The following FTCDNL1 variants were observed in gnomAD, a reference collection of about 807,000 sequenced individuals.
The protein encoded by FTCDNL1 is formiminotransferase N-terminal subdomain-containing protein.
A neutral mutation model predicts 5.9 loss-of-function variants in FTCDNL1; 11 were observed. The ratio of observed to expected loss-of-function variants is 1.87; its 90% confidence interval spans 1.18 to 3.10. The LOEUF (loss-of-function observed/expected upper bound fraction) is 3.10. Among genes scored for constraint, FTCDNL1 ranks in the 30% most tolerant of loss-of-function variants. The pLI is 0.00. For missense variants in FTCDNL1, 115 were observed against 65.5 expected, an observed-to-expected ratio of 1.76 and a Z score of -2.61; for synonymous variants, 58 against 24.8, an observed-to-expected ratio of 2.34 and a Z score of -3.99.
At chr2:199,788,967 A>C (rs1201987060) in intron 3 of FTCDNL1, among the ~76,000 whole-genome samples, 1 of 151,956 alleles carries the variant, frequency 6.6e-6, no homozygotes, top group East Asian at 1.9e-4. Flanking sequence ...AGTCACCAAA[A>C]TTACCCAAAT....
chr2:199,771,417 C>T (rs1202474663), intron 3 of FTCDNL1, among the ~76,000 whole-genome samples: 10 of 152,168 alleles, frequency 6.6e-5, no homozygotes, highest in Non-Finnish European at 1.5e-5. Flanking sequence ...GAATTGAGAA[C>T]TGTGCATTAG....
chr2:199,675,367 T>A, the FTCDNL1 span, among the ~76,000 whole-genome samples: 2 of 152,172 alleles, frequency 1.3e-5, no homozygotes, highest in Non-Finnish European at 2.9e-5. Context: ...AATCATAGTA[T>A]ATAAGATATT....
chr2:199,755,742 G>A (rs535140613), downstream of FTCDNL1, among the ~76,000 whole-genome samples: 129 of 152,190 alleles, frequency 8.5e-4, no homozygotes, highest in African/African-American at 3.1e-3. Flanking sequence ...GTATGAACTT[G>A]GGTAAATTAC....
the FTCDNL1 span, among the ~76,000 whole-genome samples, chr2:199,737,221 A>G: frequency 6.6e-6 from 1 of 152,336 alleles, no homozygotes; most frequent in African/African-American, 2.4e-5. Context: ...CCTCCAGTCT[A>G]TAATTTGGGC....
the FTCDNL1 span, among the ~76,000 whole-genome samples, chr2:199,740,394 T>G: frequency 6.6e-6 from 1 of 152,168 alleles, no homozygotes; most frequent in Non-Finnish European, 1.5e-5. Context: ...CAAGCTGTAG[T>G]TCTGAGAGCT....
At chr2:199,813,927 AAAAAAAAAAAAAAAAAT>A (rs1701192116) in intron 4 of FTCDNL1, among the ~76,000 whole-genome samples, 4 of 23,246 alleles carry the variant, frequency 1.7e-4, no homozygotes, top group Non-Finnish European at 3.7e-4. Flanking sequence ...AAAAAAAAAA[AAAAAAAAAAAAAAAAAT>A]ACTTTTTTAC....
At chr2:199,710,011 A>T in the FTCDNL1 span, among the ~76,000 whole-genome samples, 1 of 152,106 alleles carries the variant, frequency 6.6e-6, no homozygotes, top group Non-Finnish European at 1.5e-5. Context: ...AATTTATTTG[A>T]AACCCCAAAA....
chr2:199,726,391 A>G, the FTCDNL1 span, among the ~76,000 whole-genome samples: 1 of 152,164 alleles, frequency 6.6e-6, no homozygotes, highest in Non-Finnish European at 1.5e-5. Context: ...ACTTCTGTCA[A>G]TTCATCCATC....
intron 4 of FTCDNL1, 46 bp from the exon 5 acceptor site, chr2:199,812,770 T>C (rs1324025301): frequency 1.5e-6 from 1 of 687,972 alleles, no homozygotes; most frequent in Admixed American, 2.1e-5. Flanking sequence ...GTTTTCCATG[T>C]GTGCTTTAAT....
chr2:199,744,424 C>G, the FTCDNL1 span, among the ~76,000 whole-genome samples: 2 of 151,582 alleles, frequency 1.3e-5, no homozygotes, highest in African/African-American at 2.4e-5. Flanking sequence ...CTCTCTCTCT[C>G]TACACAAACA....
chr2:199,723,391 A>G, the FTCDNL1 span, among the ~76,000 whole-genome samples: 8 of 151,982 alleles, frequency 5.3e-5, no homozygotes, highest in African/African-American at 1.9e-4. Flanking sequence ...CTCTTGCCTA[A>G]TTGCCCTGGC....
chr2:199,776,351 C>T (rs1266654786), intron 3 of FTCDNL1, among the ~76,000 whole-genome samples: 1 of 152,180 alleles, frequency 6.6e-6, no homozygotes, highest in African/African-American at 2.4e-5. Flanking sequence ...TACATACATC[C>T]CCAAAACAAC....
rs147002987 is a variant in FTCDNL1 at position 199,796,361 on chromosome 2, T to C, written c.212-35526A>G. 7.9e-5 allele frequency among the ~76,000 whole-genome samples: 12 copies of C among 152,332 alleles called. No individual in the cohort carries two copies. In the East Asian group the frequency reaches 2.1e-3, roughly 27 times the overall value. On this transcript the variant is annotated intron_variant, in intron 3 of 3. Transcript: ENST00000416668. ...TAAGTAATGAACTTTAAAATATTGATAGCCATCAAAATACACACATCCAAT... is the reference window on the plus strand; with the variant it reads ...TAAGTAATGAACTTTAAAATATTGACAGCCATCAAAATACACACATCCAAT...
chr2:199,813,641 G>C (rs111526949), intron 4 of FTCDNL1, among the ~76,000 whole-genome samples: 2 of 152,094 alleles, frequency 1.3e-5, no homozygotes, highest in African/African-American at 4.8e-5. Flanking sequence ...GGCTGGGTGC[G>C]GTGGATCATA....
At chr2:199,803,697 C>T (rs563330170) in intron 3 of FTCDNL1, among the ~76,000 whole-genome samples, 1 of 152,288 alleles carries the variant, frequency 6.6e-6, no homozygotes, top group South Asian at 2.1e-4. Context: ...CTCCTGAGCT[C>T]AAGTGATCTT....
chr2:199,703,620 G>A, the FTCDNL1 span, among the ~76,000 whole-genome samples: 4 of 152,106 alleles, frequency 2.6e-5, no homozygotes, highest in African/African-American at 9.7e-5. Flanking sequence ...GAGGGTTTGA[G>A]CAAGAGGTGT....
the FTCDNL1 span, among the ~76,000 whole-genome samples, chr2:199,732,790 A>G: frequency 1.3e-5 from 2 of 152,258 alleles, no homozygotes; most frequent in Non-Finnish European, 2.9e-5. Context: ...ATCATTGGTT[A>G]CCCAAGAGAT....
the FTCDNL1 span, among the ~76,000 whole-genome samples, chr2:199,689,781 A>T: frequency 1.3e-5 from 2 of 148,696 alleles, no homozygotes; most frequent in Middle Eastern, 3.4e-3. Context: ...ACTGTACTCC[A>T]GCCTGGGCAA....
chr2:199,748,185 T>A, the FTCDNL1 span, among the ~76,000 whole-genome samples: 4 of 152,150 alleles, frequency 2.6e-5, no homozygotes, highest in African/African-American at 7.2e-5. Context: ...ATATACTCCA[T>A]ATAAGAAAAG....
Sources: allele counts gnomAD v4.1 joint callset (sites outside exome capture counted in the v4.1 genomes callset), GRCh38; gene constraint gnomAD v4.1.1; transcripts MANE v1.5; gene names NCBI Gene and HGNC (gene_info 2026-07-23, HGNC 2026-07-21).